The following TIGIT variants were observed in gnomAD, a reference collection of about 807,000 sequenced individuals.
The protein encoded by TIGIT is T cell immunoreceptor with Ig and ITIM domains, also known as T-cell immunoreceptor with Ig and ITIM domains.
In TIGIT, 11 loss-of-function variants were observed where a neutral mutation model predicts 19.6. The observed-to-expected ratio is 0.56, with a 90% CI of 0.35 to 0.93. TIGIT has a LOEUF of 0.93. Among genes scored for constraint, TIGIT ranks in the 40% least tolerant of loss-of-function variants. The pLI is 0.01. For synonymous variants in TIGIT, 130 were observed against 125.5 expected, an observed-to-expected ratio of 1.04 and a Z score of -0.24; for missense variants, 295 against 303.9, an observed-to-expected ratio of 0.97 and a Z score of 0.22.
intron 3 of TIGIT, among the ~76,000 whole-genome samples, chr3:114,301,847 T>C (rs1292429809): frequency 6.6e-6 from 1 of 152,210 alleles, no homozygotes; most frequent in Non-Finnish European, 1.5e-5. Context: ...TCTGTCTCTC[T>C]CTCCTTGCTC....
chr3:114,294,216 C>T, intron 1 of TIGIT, 94 bp downstream of exon 1: 1 of 915,538 alleles, frequency 1.1e-6, no homozygotes, highest in East Asian at 2.7e-5. Context: ...ACTCCAAGAG[C>T]ATGCCACAGC....
intron 3 of TIGIT, among the ~76,000 whole-genome samples, chr3:114,301,693 A>T (rs2078493647): frequency 6.6e-6 from 1 of 152,214 alleles, no homozygotes; most frequent in Non-Finnish European, 1.5e-5. Context: ...AGAGAAAGAG[A>T]AAAAGGTGAA....
chr3:114,303,217 C>T (rs2078503446), intron 3 of TIGIT, among the ~76,000 whole-genome samples: 1 of 151,836 alleles, frequency 6.6e-6, no homozygotes, highest in South Asian at 2.1e-4. Flanking sequence ...GCACCCATCA[C>T]CCGAACAGTG....
At chr3:114,298,942 C>T (rs1228709949) in intron 2 of TIGIT, among the ~76,000 whole-genome samples, 1 of 152,182 alleles carries the variant, frequency 6.6e-6, no homozygotes, top group Non-Finnish European at 1.5e-5. Flanking sequence ...TCAAAACTCC[C>T]CTCCTGCATC....
Position 114,308,118 on chromosome 3 carries a change from C to T in TIGIT, c.722C>T (p.Thr241Ile). Reference protein sequence around the residue: ...YRSLGNCSFFTETG With the variant: ...YRSLGNCSFFIETG ...AGCCTGGGTAACTGCAGCTTCTTCA[C>T]AGAGACTGGTTAGCAACCAGAGGCA... The change falls in exon 4 of 4, where the codon ACA (threonine) becomes ATA (isoleucine). Residue 241 changes from threonine (T) to isoleucine (I), a missense_variant. Physicochemically the swap from Thr to Ile is moderately conservative, Grantham distance 89. Coordinates refer to ENST00000383671, the MANE Select transcript of TIGIT (RefSeq NM_173799.4). 1.2e-6 allele frequency: 2 copies of T among 1,614,084 alleles called. No individual in the cohort carries two copies. Among genetic ancestry groups the T allele is most frequent in the African/African-American group, 1.3e-5 (1 of 75,046 alleles).
At chr3:114,297,333 G>A (rs908609193) in intron 2 of TIGIT, among the ~76,000 whole-genome samples, 1 of 152,120 alleles carries the variant, frequency 6.6e-6, no homozygotes, top group African/African-American at 2.4e-5. Flanking sequence ...AATTTCATGA[G>A]CTGATACAAG....
chr3:114,302,106 G>C (rs2078496261), intron 3 of TIGIT, among the ~76,000 whole-genome samples: 1 of 152,286 alleles, frequency 6.6e-6, no homozygotes, highest in Non-Finnish European at 1.5e-5. Context: ...TGTAGTCTTT[G>C]CTGGAGGGTC....
chr3:114,299,291 A>G (rs1177023778), intron 2 of TIGIT, among the ~76,000 whole-genome samples: 1 of 152,258 alleles, frequency 6.6e-6, no homozygotes, highest in Non-Finnish European at 1.5e-5. Flanking sequence ...TTCTGGAACT[A>G]CTATTTGTTT....
chr3:114,298,223 T>C (rs984726579), intron 2 of TIGIT, among the ~76,000 whole-genome samples: 1 of 152,210 alleles, frequency 6.6e-6, no homozygotes, highest in Non-Finnish European at 1.5e-5. Context: ...CTTGATATCT[T>C]TGTTCTATGA....
intron 3 of TIGIT, among the ~76,000 whole-genome samples, chr3:114,300,153 A>G (rs1374691701): frequency 6.6e-6 from 1 of 152,216 alleles, no homozygotes; most frequent in Non-Finnish European, 1.5e-5. Context: ...GGGTTAGGCC[A>G]GGAGCTGTGG....
At chr3:114,307,182 G>T (rs2078540622) in intron 3 of TIGIT, among the ~76,000 whole-genome samples, 1 of 152,190 alleles carries the variant, frequency 6.6e-6, no homozygotes, top group Non-Finnish European at 1.5e-5. Context: ...TGGTTTGTTG[G>T]GGCAGGAATG....
At chr3:114,305,864 G>GGATAGACA (rs2078531051) in intron 3 of TIGIT, among the ~76,000 whole-genome samples, 1 of 145,046 alleles carries the variant, frequency 6.9e-6, no homozygotes, top group Non-Finnish European at 1.5e-5. Context: ...ATGGATGGAT[G>GGATAGACA]GATAGATAGA....
chr3:114,295,925 A>C, intron 2 of TIGIT, 51 bp downstream of exon 2: 1 of 1,443,910 alleles, frequency 6.9e-7, no homozygotes, highest in Non-Finnish European at 9.5e-7. Flanking sequence ...CTAGCATAGA[A>C]AATGCAATCC....
At chr3:114,295,920 A>T in intron 2 of TIGIT, 46 bp downstream of exon 2, 2 of 1,475,262 alleles carry the variant, frequency 1.4e-6, no homozygotes, top group Non-Finnish European at 1.8e-6. Flanking sequence ...TCCCTCTAGC[A>T]TAGAAAATGC....
intron 3 of TIGIT, 103 bp from the exon 4 acceptor site, chr3:114,307,792 C>T (rs1296226331): frequency 3.9e-6 from 4 of 1,021,286 alleles, no homozygotes; most frequent in Admixed American, 2.0e-5. Flanking sequence ...CATAAGTTTG[C>T]TGGTGTGCAT....
Position 114,295,873 on chromosome 3 carries a change from AG to A in TIGIT, c.391+1del. 1 of 1,592,234 alleles carries A rather than the reference AG, an allele frequency of 6.3e-7. No individual in the cohort carries two copies. The highest frequency in any genetic ancestry group is 8.6e-7 in the Non-Finnish European group (1 of 1,165,016). The part of the protein sequence containing the change: ...RIFLEVLESS[V>X]AEHGARFQIP... ...TCTTCCTGGAGGTCCTAGAAAGCTC[AG>A]GTATTCCTGCTGGAGCAAGTTGGTG... is the stretch of plus-strand genomic sequence containing the variant. On this transcript the variant is annotated frameshift_variant and splice_region_variant, in exon 2 of 4. Coordinates refer to ENST00000383671, the MANE Select transcript of TIGIT (RefSeq NM_173799.4). LOFTEE classifies it high-confidence loss of function.
chr3:114,308,396 T>C lies in TIGIT; in HGVS notation c.*265T>C. 1 of 349,532 alleles carries C rather than the reference T, an allele frequency of 2.9e-6. No homozygotes were observed. The allele number at this position is 349,532 out of a possible 1,614,324, so 21.7% of individuals were successfully genotyped here. ...AAAATTAAAAAATATCTTGACCTGG[T>C]TTTAAATCTGGCAGTTTGAGCAGAT... On this transcript the variant is annotated 3_prime_UTR_variant, in exon 4 of 4. Transcript: ENST00000383671.
Position 114,303,931 on chromosome 3 carries a change from T to A in TIGIT, c.499-3964T>A, listed in dbSNP as rs2078514099. ...ACATCCATGCCAACATGGGTTATTT[T>A]TTTATTTTTTGATTAAGGCCATTCT... On this transcript the variant is annotated intron_variant, in intron 3 of 3. Coordinates refer to ENST00000383671, the MANE Select transcript of TIGIT (RefSeq NM_173799.4). Among the ~76,000 whole-genome samples the A allele has an allele frequency of 1.3e-5, 2 of 152,202 alleles. 1 individual carries two copies. The highest frequency in any genetic ancestry group is 1.3e-4 in the Admixed American group (2 of 15,278).
At chr3:114,307,148 G>A (rs988136701) in intron 3 of TIGIT, among the ~76,000 whole-genome samples, 3 of 95,684 alleles carry the variant, frequency 3.1e-5, no homozygotes, top group Non-Finnish European at 6.7e-5. Context: ...CCATAAACCA[G>A]GGCAGTGAAT....
Sources: gnomAD v4.1 joint callset for allele counts (sites outside exome capture counted in the v4.1 genomes callset) on GRCh38, gnomAD v4.1.1 for gene constraint, MANE v1.5 for transcripts, NCBI Gene and HGNC (gene_info 2026-07-23, HGNC 2026-07-21) for gene names.